Variants in ZNF710 observed in about 807,000 individuals in gnomAD.
ZNF710 encodes zinc finger protein 710.
Under a neutral mutation model 50.6 loss-of-function variants are expected in ZNF710, and 13 were observed. The ratio of observed to expected loss-of-function variants is 0.26; its 90% CI spans 0.17 to 0.41. The LOEUF is 0.41. Ranked by LOEUF, ZNF710 falls within the 10% of genes least tolerant of loss-of-function variation. ZNF710 has a pLI of 1.00. For missense variants in ZNF710, 721 were observed against 936.6 expected, an observed-to-expected ratio of 0.77 and a Z score of 3.01; for synonymous variants, 383 against 397.0, an observed-to-expected ratio of 0.96 and a Z score of 0.42.
At position 90,003,762 on chromosome 15, in the gene ZNF710, A is replaced by G. The variant is rs549398279; in HGVS notation, c.-29+2148A>G. Among the ~76,000 whole-genome samples, 315 of 152,258 alleles carry G rather than the reference A, an allele frequency of 2.1e-3. 1 individual carries two copies. Among genetic ancestry groups the G allele is most frequent in the African/African-American group, 7.0e-3 (290 of 41,552 alleles). Reference sequence around the variant, plus strand: ...GGTTTTATTAGCTGACCCTCAGGCCAGGGTAACTGTGCTGGGTACCTGCCA... The same window carrying G: ...GGTTTTATTAGCTGACCCTCAGGCCGGGGTAACTGTGCTGGGTACCTGCCA... On this transcript the variant is annotated intron_variant, in intron 1 of 4. Transcript: ENST00000268154.
chr15:90,008,608 C>A (rs2151461144), intron 1 of ZNF710, among the ~76,000 whole-genome samples: 1 of 150,346 alleles, frequency 6.7e-6, no homozygotes, highest in Non-Finnish European at 1.5e-5. Flanking sequence ...CATAGTGAGA[C>A]CCTGTCTCTA....
chr15:90,071,221 G>T (rs916418260), intron 2 of ZNF710, among the ~76,000 whole-genome samples: 1 of 150,032 alleles, frequency 6.7e-6, no homozygotes, highest in South Asian at 2.1e-4. Context: ...AGACCGTGCC[G>T]CTGTACTCTA....
intron 1 of ZNF710, among the ~76,000 whole-genome samples, chr15:90,020,190 G>T (rs1284078509): frequency 6.6e-6 from 1 of 152,180 alleles, no homozygotes; most frequent in African/African-American, 2.4e-5. Context: ...CTCCTTTTCC[G>T]CTGTCTTCCT....
At chr15:90,074,044 G>C in intron 3 of ZNF710, 72 bp from the exon 4 acceptor site, 1 of 1,503,636 alleles carries the variant, frequency 6.7e-7, no homozygotes, top group Non-Finnish European at 9.0e-7. Flanking sequence ...CAGCCATAGA[G>C]GTGGGAGTGG....
chr15:90,010,932 T>TG (rs1208719330), intron 1 of ZNF710, among the ~76,000 whole-genome samples: 1 of 142,986 alleles, frequency 7.0e-6, no homozygotes, highest in African/African-American at 2.6e-5. Flanking sequence ...TTTTTTGTTT[T>TG]TTTTTTTTTT....
chr15:90,066,017 T>G (rs539880178), intron 1 of ZNF710, among the ~76,000 whole-genome samples: 14 of 152,258 alleles, frequency 9.2e-5, no homozygotes, highest in Non-Finnish European at 2.1e-4. Context: ...CAAGGAGCTC[T>G]TCTTTCAAAT....
rs148097935 is a variant in ZNF710, at chr15:90,033,342, G to T, written c.-29+31728G>T. Among the ~76,000 whole-genome samples the T allele has an allele frequency of 2.6e-5, 4 of 152,280 alleles. No individual in the cohort carries two copies. In the East Asian group the frequency reaches 7.7e-4, roughly 29 times the overall value. On this transcript the variant is annotated intron_variant, in intron 1 of 4. Coordinates refer to ENST00000268154, the MANE Select transcript of ZNF710 (RefSeq NM_198526.4). The stretch of plus-strand genomic sequence containing the variant: ...ACCACAGAGTTTGAGAAGCACTGGG[G>T]ATGTTAAAGGTGGGGAAAGTTTGCA...
chr15:90,067,832 C>A lies in ZNF710; in HGVS notation c.695C>A (p.Pro232His). The part of the protein sequence containing the change: ...HLAPLSDPEA[P>H]SMESPEPVKP... ...GCCCCCCTGAGTGACCCCGAGGCCCCCAGCATGGAGTCCCCGGAGCCTGTC... is the reference window on the plus strand; with the variant it reads ...GCCCCCCTGAGTGACCCCGAGGCCCACAGCATGGAGTCCCCGGAGCCTGTC... The change falls in exon 2 of 5, where the codon CCC (proline) becomes CAC (histidine). Residue 232 changes from proline to histidine, a missense_variant. Pro to His is a moderately conservative substitution (Grantham distance 77). Around this residue, in one of 3 missense-constraint regions of ZNF710, gnomAD observed 326 missense variants for 347.1 expected, o/e 0.94. Coordinates refer to ENST00000268154, the MANE Select transcript of ZNF710 (RefSeq NM_198526.4). The surrounding 1 kb of genome is among the most constrained non-coding windows in gnomAD (Gnocchi z 8.1). 1 of 1,591,524 alleles carries A rather than the reference C, an allele frequency of 6.3e-7. No homozygotes were observed. The highest frequency in any genetic ancestry group is 1.7e-4 in the Middle Eastern group (1 of 5,974).
intron 1 of ZNF710, among the ~76,000 whole-genome samples, chr15:90,038,705 C>CTGTGTG (rs1491586177): frequency 1.2e-5 from 1 of 81,046 alleles, no homozygotes; most frequent in Non-Finnish European, 2.2e-5. Context: ...AGCCTCCCTG[C>CTGTGTG]TCTGTGTGTG....
intron 1 of ZNF710, among the ~76,000 whole-genome samples, chr15:90,018,369 A>G (rs1898513986): frequency 6.6e-6 from 1 of 151,720 alleles, no homozygotes; most frequent in South Asian, 2.1e-4. Flanking sequence ...GGGTTTCACC[A>G]TGTTGGCAGG....
chr15:90,072,577 A>G lies in ZNF710; in HGVS notation c.1459-494A>G, dbSNP rs79058871. ...GGTCTGAACCAAAAAGGCCACCAAG[A>G]GACAGCATGGAGGATAAAAACACAT... On this transcript the variant is annotated intron_variant, in intron 2 of 4. Coordinates refer to ENST00000268154, the MANE Select transcript of ZNF710 (RefSeq NM_198526.4). 2.1e-3 allele frequency among the ~76,000 whole-genome samples: 316 copies of G among 152,270 alleles called. 3 individuals are homozygous for G. The highest frequency in any genetic ancestry group is 6.5e-3 in the African/African-American group (269 of 41,550).
At chr15:90,057,284 A>G (rs1339717746) in intron 1 of ZNF710, among the ~76,000 whole-genome samples, 1 of 151,910 alleles carries the variant, frequency 6.6e-6, no homozygotes, top group Non-Finnish European at 1.5e-5. Context: ...CCAGGGCTGG[A>G]AGTGGGGCAG....
intron 1 of ZNF710, among the ~76,000 whole-genome samples, chr15:90,021,644 CAG>C (rs1338130923): frequency 6.6e-6 from 1 of 152,188 alleles, no homozygotes; most frequent in Non-Finnish European, 1.5e-5. Flanking sequence ...TCTCTCTCCC[CAG>C]TGAGCCCCCA....
chr15:90,066,813 A>G (rs74038805), intron 1 of ZNF710, among the ~76,000 whole-genome samples: 10,139 of 152,146 alleles, frequency 0.067, 1,076 homozygotes, highest in African/African-American at 0.23. Flanking sequence ...GTAGAACACA[A>G]TTTGAGAACA....
chr15:90,072,261 G>A (rs1596061990), intron 2 of ZNF710, among the ~76,000 whole-genome samples: 2 of 152,128 alleles, frequency 1.3e-5, no homozygotes, highest in East Asian at 3.9e-4. Context: ...ATGTCTCCTG[G>A]GGGTGAATAG....
intron 1 of ZNF710, among the ~76,000 whole-genome samples, chr15:90,009,853 C>A (rs1652253157): frequency 6.6e-6 from 1 of 152,124 alleles, no homozygotes; most frequent in African/African-American, 2.4e-5. Flanking sequence ...CCAGCTGGCT[C>A]TCCTAGAGGT....
rs1439118438 is a variant in ZNF710 at position 90,001,583 on chromosome 15, G to T, written c.-60G>T. 6.9e-6 allele frequency: 1 copy of T among 145,342 alleles called. No individual in the cohort carries two copies. Among genetic ancestry groups the T allele is most frequent in the African/African-American group, 2.5e-5 (1 of 40,302 alleles). The allele number at this position is 145,342 out of a possible 1,614,324, so 9.0% of individuals were successfully genotyped here. On this transcript the variant is annotated 5_prime_UTR_variant, in exon 1 of 5. Coordinates refer to ENST00000268154, the MANE Select transcript of ZNF710 (RefSeq NM_198526.4). The stretch of plus-strand genomic sequence containing the variant: ...CCCGGCCCGGCCCGGCCCGCCGAGG[G>T]CCCCAGCGCAGGAGCCGCGCCCGGA...
rs189764895 is a variant in ZNF710, at chr15:90,022,740, G to A, written c.-29+21126G>A. ...TTTTACTTGAATTCCTTTTCATTTCGCCTAGAATTTCTGCTTTGCACCAGC... is the reference window on the plus strand; with the variant it reads ...TTTTACTTGAATTCCTTTTCATTTCACCTAGAATTTCTGCTTTGCACCAGC... On this transcript the variant is annotated intron_variant, in intron 1 of 4. Transcript: ENST00000268154. 5.3e-4 allele frequency among the ~76,000 whole-genome samples: 81 copies of A among 152,212 alleles called. No individual in the cohort carries two copies. In the South Asian group the frequency reaches 7.3e-3, roughly 14 times the overall value.
At chr15:90,047,787 A>C (rs181748627) in intron 1 of ZNF710, among the ~76,000 whole-genome samples, 2 of 151,664 alleles carry the variant, frequency 1.3e-5, no homozygotes, top group African/African-American at 4.8e-5. Context: ...GCATTTCACC[A>C]TGTTGGCCAG....
Sources: gnomAD v4.1 joint callset for allele counts (sites outside exome capture counted in the v4.1 genomes callset) on GRCh38, gnomAD v4.1.1 for gene constraint, gnomAD v4.1.1 regional missense constraint, Gnocchi (gnomAD v3.1) non-coding constraint, MANE v1.5 for transcripts, NCBI Gene and HGNC (gene_info 2026-07-23, HGNC 2026-07-21) for gene names.